Variants in KLF8 observed in about 807,000 individuals in gnomAD.
KLF8 encodes KLF transcription factor 8.
In KLF8, 10 loss-of-function variants were observed where a neutral mutation model predicts 18.2. The ratio of observed to expected loss-of-function variants is 0.55; its 90% confidence interval spans 0.34 to 0.93. KLF8 has a LOEUF of 0.93. Among genes scored for constraint, KLF8 ranks in the 40% least tolerant of loss-of-function variants. The pLI is 0.02. For missense variants in KLF8, 264 were observed against 277.9 expected, an observed-to-expected ratio of 0.95 and a Z score of 0.36; for synonymous variants, 109 against 97.3, an observed-to-expected ratio of 1.12 and a Z score of -0.71.
At chrX:56,183,531 C>T in the KLF8 span, among the ~76,000 whole-genome samples, 1 of 111,283 alleles carries the variant, frequency 9.0e-6, no homozygotes, top group Non-Finnish European at 1.9e-5. Flanking sequence ...CAGAAATCAC[C>T]CATCTTCTGT....
At chrX:56,103,169 G>A in the KLF8 span, among the ~76,000 whole-genome samples, 1 of 109,632 alleles carries the variant, frequency 9.1e-6, no homozygotes, top group Non-Finnish European at 1.9e-5. Context: ...TGTTCTTTTG[G>A]CTTAGGATTG....
chrX:56,097,345 T>C, the KLF8 span, among the ~76,000 whole-genome samples: 55 of 104,313 alleles, frequency 5.3e-4, no homozygotes, highest in South Asian at 2.7e-3. Context: ...TTCTTTCTTT[T>C]TTTTTTTTTT....
the KLF8 span, among the ~76,000 whole-genome samples, chrX:55,970,471 A>G: frequency 8.9e-6 from 1 of 111,776 alleles, no homozygotes; most frequent in African/African-American, 3.2e-5. Flanking sequence ...AACCAGTATC[A>G]TAATAAGTAG....
the KLF8 span, among the ~76,000 whole-genome samples, chrX:56,090,975 GTAT>G: frequency 8.9e-6 from 1 of 112,217 alleles, no homozygotes; most frequent in African/African-American, 3.2e-5. Context: ...ACGCTCAGTA[GTAT>G]TCCGTGGTTT....
chrX:56,103,747 T>G, the KLF8 span, among the ~76,000 whole-genome samples: 14 of 111,794 alleles, frequency 1.3e-4, no homozygotes, highest in African/African-American at 4.5e-4. Context: ...TCCAACATTA[T>G]GTTGAATAGG....
the KLF8 span, among the ~76,000 whole-genome samples, chrX:56,156,197 A>T: frequency 3.2e-4 from 36 of 111,988 alleles, no homozygotes; most frequent in East Asian, 5.6e-3. Context: ...TTCTTCTTTG[A>T]TGTTATATCA....
the KLF8 span, among the ~76,000 whole-genome samples, chrX:56,200,839 C>T: frequency 9.0e-6 from 1 of 111,208 alleles, no homozygotes; most frequent in Non-Finnish European, 1.9e-5. Flanking sequence ...AGAAAACATA[C>T]AAATAGTCAA....
chrX:55,984,339 A>T, the KLF8 span, among the ~76,000 whole-genome samples: 1 of 110,969 alleles, frequency 9.0e-6, no homozygotes, highest in Non-Finnish European at 1.9e-5. Context: ...GCTCCCACTT[A>T]TAAGTGAGAA....
chrX:55,988,080 C>G, the KLF8 span, among the ~76,000 whole-genome samples: 1 of 111,608 alleles, frequency 9.0e-6, no homozygotes, highest in African/African-American at 3.3e-5. Flanking sequence ...TGTTTGAGTT[C>G]ATTGTAGATT....
chrX:55,947,226 T>G, the KLF8 span, among the ~76,000 whole-genome samples: 4 of 110,697 alleles, frequency 3.6e-5, no homozygotes, highest in African/African-American at 1.3e-4. Flanking sequence ...AGTAAAGACT[T>G]GGAACCAAGC....
chrX:56,098,425 A>C, the KLF8 span, among the ~76,000 whole-genome samples: 5 of 112,197 alleles, frequency 4.5e-5, no homozygotes, highest in African/African-American at 1.6e-4. Flanking sequence ...AGGATGTTTC[A>C]ACTTATGAAA....
the KLF8 span, among the ~76,000 whole-genome samples, chrX:56,175,678 G>C: frequency 3.6e-5 from 4 of 111,338 alleles, no homozygotes; most frequent in Non-Finnish European, 7.5e-5. Flanking sequence ...TCATTGATCT[G>C]TCAGATATTG....
the KLF8 span, among the ~76,000 whole-genome samples, chrX:56,113,886 C>T: frequency 9.0e-6 from 1 of 110,944 alleles, no homozygotes; most frequent in Admixed American, 9.5e-5. Context: ...AGTCTGGCCC[C>T]TTGGCTAAGC....
At chrX:56,107,578 G>T in the KLF8 span, among the ~76,000 whole-genome samples, 1 of 111,864 alleles carries the variant, frequency 8.9e-6, no homozygotes, top group Non-Finnish European at 1.9e-5. Flanking sequence ...TGTGGGAAAA[G>T]CACAGTATTT....
the KLF8 span, among the ~76,000 whole-genome samples, chrX:56,183,003 A>G: frequency 1.8e-5 from 2 of 112,597 alleles, no homozygotes; most frequent in Non-Finnish European, 3.8e-5. Context: ...AAGCTGTCAG[A>G]CATGGACGTT....
At chrX:55,987,961 G>A in the KLF8 span, among the ~76,000 whole-genome samples, 1 of 112,522 alleles carries the variant, frequency 8.9e-6, no homozygotes. Context: ...GTGATGATGA[G>A]CATTTTTTCT....
At chrX:56,070,499 C>T in the KLF8 span, among the ~76,000 whole-genome samples, 1 of 110,942 alleles carries the variant, frequency 9.0e-6, no homozygotes, top group African/African-American at 3.3e-5. Context: ...GGAAAGAGAT[C>T]ATATCCTTTG....
the KLF8 span, among the ~76,000 whole-genome samples, chrX:56,114,213 C>A: frequency 8.9e-6 from 1 of 111,986 alleles, no homozygotes; most frequent in Non-Finnish European, 1.9e-5. Flanking sequence ...CTCCTTGGCA[C>A]CCACAGGGGA....
At chrX:56,269,627 T>C in intron 4 of KLF8, 138 bp downstream of exon 4, 3 of 996,923 alleles carry the variant, frequency 3.0e-6, no homozygotes, top group South Asian at 7.1e-5. Flanking sequence ...ATAGGGAGAC[T>C]GCCTTTCCAG....
Sources: allele counts gnomAD v4.1 joint callset (sites outside exome capture counted in the v4.1 genomes callset), GRCh38; gene constraint gnomAD v4.1.1; transcripts MANE v1.5; gene names NCBI Gene and HGNC (gene_info 2026-07-23, HGNC 2026-07-21).